The following DNAH14 variants were observed in gnomAD, a reference collection of about 807,000 sequenced individuals.
DNAH14 encodes axonemal beta dynein heavy chain 14.
Under a neutral mutation model 520.9 loss-of-function variants are expected in DNAH14, and 478 were observed. The observed-to-expected ratio is 0.92, with a 90% CI of 0.85 to 0.99. The LOEUF is 0.99. Ranked by LOEUF, DNAH14 falls within the 50% of genes least tolerant of loss-of-function variation. DNAH14 has a pLI of 0.00. For synonymous variants in DNAH14, 1,581 were observed against 1,757.2 expected (o/e 0.90, Z 2.51); for missense variants, 4,831 against 5,234.5 (o/e 0.92, Z 2.38).
rs1279704775 is a variant in DNAH14 at position 225,374,859 on chromosome 1, G to A, written c.12490G>A (p.Asp4164Asn). 13 of 1,550,466 alleles carry A rather than the reference G, an allele frequency of 8.4e-6. No individual in the cohort carries two copies. The highest frequency in any genetic ancestry group is 7.0e-6 in the Non-Finnish European group (8 of 1,146,278). Residue 4164 changes from aspartate to asparagine, a missense_variant, in exon 78 of 86, where the codon GAT becomes AAT. Transcript: ENST00000682510. ...ATTTTGTAATCCTGAAGTGCTGAAA[G>A]ATGACTTCAGTTTCTCCAGTGATGG... ...YKFCNPEVLK[D>N]DFSFSSDGIC...
Position 225,042,878 on chromosome 1 carries a change from A to G in DNAH14, c.1532A>G (p.Tyr511Cys). 1.9e-6 allele frequency: 3 copies of G among 1,551,632 alleles called. No homozygotes were observed. The highest frequency in any genetic ancestry group is 2.6e-6 in the Non-Finnish European group (3 of 1,146,968). ...VEVGKDLRKT[Y>C]APIFEVNLCL... Reference sequence around the variant, plus strand: ...GTGGGGAAGGATTTGAGAAAAACATATGCACCAATATTTGAAGTAAATCTA... The same window carrying G: ...GTGGGGAAGGATTTGAGAAAAACATGTGCACCAATATTTGAAGTAAATCTA... Residue 511 changes from tyrosine (Y) to cysteine (C), a missense_variant, in exon 13 of 86, where the codon TAT (tyrosine) becomes TGT (cysteine). Tyr to Cys is a radical substitution (Grantham distance 194). Transcript: ENST00000682510.
At chr1:225,389,627 CG>C in intron 82 of DNAH14, 106 bp from the exon 83 acceptor site, 2 of 1,297,372 alleles carry the variant, frequency 1.5e-6, no homozygotes, top group Non-Finnish European at 2.1e-6. Flanking sequence ...TTGGGGGAAT[CG>C]AAATGAAAAG....
intron 55 of DNAH14, among the ~76,000 whole-genome samples, chr1:225,290,876 C>A (rs180791795): frequency 6.6e-6 from 1 of 151,260 alleles, no homozygotes; most frequent in East Asian, 1.9e-4. Context: ...GTGTTAGGAG[C>A]ATTCAATATC....
chr1:225,301,099 A>G, intron 56 of DNAH14, 69 bp downstream of exon 56: 1 of 1,427,844 alleles, frequency 7.0e-7, no homozygotes, highest in Non-Finnish European at 9.3e-7. Flanking sequence ...AATTCTGTAC[A>G]TGATTTTCAA....
At chr1:225,312,707 T>C (rs191776874) in intron 60 of DNAH14, among the ~76,000 whole-genome samples, 2 of 152,330 alleles carry the variant, frequency 1.3e-5, no homozygotes, top group South Asian at 2.1e-4. Flanking sequence ...GATAATCATA[T>C]GGTTTTTGTT....
intron 41 of DNAH14, among the ~76,000 whole-genome samples, chr1:225,208,302 AAAC>A (rs1052514549): frequency 2.2e-4 from 34 of 152,314 alleles, no homozygotes; most frequent in Non-Finnish European, 3.7e-4. Context: ...AGTTAAAAAA[AAAC>A]AACAACTGGA....
intron 13 of DNAH14, 56 bp from the exon 14 acceptor site, chr1:225,043,688 T>G (rs1439228664): frequency 1.6e-6 from 2 of 1,252,060 alleles, no homozygotes; most frequent in African/African-American, 1.5e-5. Flanking sequence ...GTCATTTACC[T>G]GATATAAATA....
chr1:225,040,734 G>A (rs2067403525), intron 12 of DNAH14, among the ~76,000 whole-genome samples: 1 of 152,120 alleles, frequency 6.6e-6, no homozygotes, highest in South Asian at 2.1e-4. Context: ...TTACTGCTAA[G>A]GAGTGAAATT....
chr1:225,092,207 T>G (rs1255296117), intron 21 of DNAH14, among the ~76,000 whole-genome samples: 1 of 152,068 alleles, frequency 6.6e-6, no homozygotes, highest in Admixed American at 6.6e-5. Flanking sequence ...ACTTTACACT[T>G]GATCAAATGG....
intron 17 of DNAH14, among the ~76,000 whole-genome samples, chr1:225,069,337 C>T (rs1004260975): frequency 5.9e-5 from 9 of 152,078 alleles, no homozygotes; most frequent in South Asian, 2.1e-4. Flanking sequence ...ATGTTGGCTG[C>T]GGGTTTGTCA....
At chr1:225,059,560 C>T (rs202129066) in intron 17 of DNAH14, among the ~76,000 whole-genome samples, 18,713 of 128,396 alleles carry the variant, frequency 0.15, 1 homozygote, top group African/African-American at 0.35. Flanking sequence ...TGAATTCGAT[C>T]CTGTTATTAT....
intron 17 of DNAH14, among the ~76,000 whole-genome samples, chr1:225,062,578 G>A (rs1194841418): frequency 2.0e-5 from 3 of 152,142 alleles, no homozygotes; most frequent in Admixed American, 1.3e-4. Context: ...AATCTGCCCT[G>A]GGGTCCTGTG....
chr1:225,398,198 A>G (rs565112093), intron 84 of DNAH14: 14 of 241,096 alleles, frequency 5.8e-5, no homozygotes, highest in South Asian at 4.2e-4. Flanking sequence ...GTTCTGTCCT[A>G]AAAAGCTCGG....
intron 15 of DNAH14, among the ~76,000 whole-genome samples, chr1:225,049,045 CTAT>C (rs2068234807): frequency 5.7e-5 from 5 of 87,114 alleles, no homozygotes; most frequent in East Asian, 6.6e-4. Context: ...GATCTCTTGC[CTAT>C]TTTTTTTTTT....
chr1:225,098,981 G>GCTCTACTCCTTTAAAA, intron 22 of DNAH14, among the ~76,000 whole-genome samples: 2 of 152,124 alleles, frequency 1.3e-5, no homozygotes, highest in Admixed American at 1.3e-4. Flanking sequence ...CAGGGAGAAA[G>GCTCTACTCCTTTAAAA]CATGAAGGAG....
Position 225,252,433 on chromosome 1 carries a change from A to G in DNAH14, c.6865+16A>G, listed in dbSNP as rs951985663. 6.0e-6 allele frequency: 8 copies of G among 1,328,676 alleles called. No homozygotes were observed. In the African/African-American group the frequency reaches 1.2e-4, roughly 19 times the overall value. The allele number at this position is 1,328,676 out of a possible 1,614,324, so 82.3% of individuals were successfully genotyped here. A position where few individuals can be genotyped will look rare whatever the true frequency, so the allele number is the denominator to read the frequency against. On this transcript the variant is annotated intron_variant, in intron 44 of 85. Coordinates refer to ENST00000682510, the MANE Select transcript of DNAH14 (RefSeq NM_001367479.1). ...ATTCAAAGAGGTAAGAATAATTATA[A>G]GAATCATACTTGTAACGTTAGAATA...
chr1:225,042,943 T>C lies in DNAH14; in HGVS notation c.1597T>C (p.Ser533Pro). Reference protein sequence around the residue: ...IPAESDSSENSKENFHESDQC... With the variant: ...IPAESDSSENPKENFHESDQC... ...TGCTGAGAGTGATTCTTCAGAAAAT[T>C]CTAAAGAGAACTTTCATGAGTCTGA... Residue 533 changes from serine to proline, a missense_variant, in exon 13 of 86, where the codon TCT (serine) becomes CCT (proline). Transcript: ENST00000682510. The C allele has an allele frequency of 6.4e-7, 1 of 1,551,880 alleles. No homozygotes were observed.
rs146075975 is a variant in DNAH14, at chr1:225,388,385, G to A, written c.13084G>A (p.Ala4362Thr). Residue 4362 changes from alanine (A) to threonine (T), a missense_variant, in exon 82 of 86, where the codon GCC becomes ACC. Coordinates refer to ENST00000682510, the MANE Select transcript of DNAH14 (RefSeq NM_001367479.1). ...TGTCTTTAAATCCCAACAGAAACAC[G>A]CCTACAGATCTTGTAAGCCACTGAG... ...MRVPTLWQKH[A>T]YRSCKPLSSW... is the part of the protein sequence containing the mutation. The A allele has an allele frequency of 7.3e-5, 110 of 1,511,046 alleles. No homozygotes were observed. The African/African-American group carries it at 1.2e-3, about 17-fold the overall frequency. 93.6% of individuals were successfully genotyped at this position (1,511,046 alleles called of 1,614,324 possible).
At chr1:225,094,145 A>G (rs1236938869) in intron 21 of DNAH14, among the ~76,000 whole-genome samples, 1 of 152,188 alleles carries the variant, frequency 6.6e-6, no homozygotes, top group African/African-American at 2.4e-5. Context: ...ATTCATATGG[A>G]ACCAAAAAAG....
Sources: allele counts gnomAD v4.1 joint callset (sites outside exome capture counted in the v4.1 genomes callset), GRCh38; gene constraint gnomAD v4.1.1; transcripts MANE v1.5; gene names NCBI Gene and HGNC (gene_info 2026-07-23, HGNC 2026-07-21).